The following ATP10B variants were observed in gnomAD, a reference collection of about 807,000 sequenced individuals.
The protein encoded by ATP10B is ATPase phospholipid transporting 10B (putative), also known as phospholipid-transporting ATPase VB.
Under a neutral mutation model 141.2 loss-of-function variants are expected in ATP10B, and 122 were observed. That is an observed-to-expected ratio of 0.86 (90% CI 0.75 to 1.00). The LOEUF is 1.00. ATP10B is among the 50% of genes least tolerant of loss of function. ATP10B has a pLI of 0.00. For missense variants in ATP10B, 1,876 were observed against 1,825.3 expected (o/e 1.03, Z -0.51); for synonymous variants, 685 against 692.0 (o/e 0.99, Z 0.16).
chr5:160,806,434 A>G (rs1243112036), intron 1 of ATP10B, among the ~76,000 whole-genome samples: 3 of 152,244 alleles, frequency 2.0e-5, no homozygotes, highest in Admixed American at 2.0e-4. Context: ...TCTTTCCTTC[A>G]TAAGAAAACA....
intron 7 of ATP10B, among the ~76,000 whole-genome samples, chr5:160,652,895 A>AAT (rs1554100537): frequency 2.9e-5 from 2 of 68,194 alleles, no homozygotes; most frequent in African/African-American, 6.5e-5. Context: ...ATAATTATAT[A>AAT]ATATATTATA....
chr5:160,908,720 A>G, the ATP10B span, among the ~76,000 whole-genome samples: 1 of 152,200 alleles, frequency 6.6e-6, no homozygotes, highest in African/African-American at 2.4e-5. Context: ...AGCTCCCAGC[A>G]TGAGGAGATT....
intron 2 of ATP10B, among the ~76,000 whole-genome samples, chr5:160,762,727 G>A (rs928576519): frequency 6.6e-6 from 1 of 151,912 alleles, no homozygotes; most frequent in African/African-American, 2.4e-5. Context: ...CAATACTAAT[G>A]TTGAATGTAA....
chr5:160,654,796 C>T (rs1475851104), intron 7 of ATP10B, among the ~76,000 whole-genome samples: 2 of 152,174 alleles, frequency 1.3e-5, no homozygotes, highest in East Asian at 3.8e-4. Context: ...TAAGAATCAA[C>T]TAAGTATTTT....
intron 19 of ATP10B, 146 bp downstream of exon 19, chr5:160,606,619 G>A: frequency 2.6e-6 from 2 of 783,000 alleles, no homozygotes; most frequent in Non-Finnish European, 4.0e-6. Context: ...GCTGCATCTT[G>A]ATTGTCATTT....
At chr5:160,588,610 G>T (rs552979930) in intron 24 of ATP10B, among the ~76,000 whole-genome samples, 3 of 152,172 alleles carry the variant, frequency 2.0e-5, no homozygotes, top group Non-Finnish European at 4.4e-5. Flanking sequence ...AAACTGCCAG[G>T]GTTCAAAACT....
At chr5:160,773,956 C>T (rs970265609) in intron 2 of ATP10B, among the ~76,000 whole-genome samples, 1 of 152,124 alleles carries the variant, frequency 6.6e-6, no homozygotes, top group Non-Finnish European at 1.5e-5. Context: ...GGGTCATTTG[C>T]CATTGTAAAG....
chr5:160,801,971 G>T (rs1772398453), intron 1 of ATP10B, among the ~76,000 whole-genome samples: 1 of 152,152 alleles, frequency 6.6e-6, no homozygotes, highest in Non-Finnish European at 1.5e-5. Context: ...TTTATCGGAT[G>T]CAGGCAGCAA....
chr5:160,909,961 A>T, the ATP10B span, among the ~76,000 whole-genome samples: 5 of 152,178 alleles, frequency 3.3e-5, no homozygotes, highest in South Asian at 2.1e-4. Flanking sequence ...TGTTTCCATG[A>T]TCTTGAAGAA....
chr5:160,891,643 G>A, the ATP10B span, among the ~76,000 whole-genome samples: 1 of 152,040 alleles, frequency 6.6e-6, no homozygotes, highest in South Asian at 2.1e-4. Context: ...TCACCATGTT[G>A]GCCAGGCTAA....
chr5:160,625,274 T>C (rs1371090970), intron 13 of ATP10B, among the ~76,000 whole-genome samples: 1 of 152,222 alleles, frequency 6.6e-6, no homozygotes, highest in Non-Finnish European at 1.5e-5. Flanking sequence ...CCTTTGAGAC[T>C]TGCTACCACC....
intron 1 of ATP10B, among the ~76,000 whole-genome samples, chr5:160,841,970 C>T (rs188645299): frequency 3.0e-4 from 45 of 152,242 alleles, no homozygotes; most frequent in African/African-American, 8.7e-4. Context: ...GGTGATCCAC[C>T]CGCCTCGGCC....
intron 1 of ATP10B, among the ~76,000 whole-genome samples, chr5:160,829,295 G>C (rs1171371776): frequency 6.6e-6 from 1 of 151,902 alleles, no homozygotes; most frequent in African/African-American, 2.4e-5. Flanking sequence ...TGGTTTTTCT[G>C]TTCTGTTTGA....
intron 2 of ATP10B, among the ~76,000 whole-genome samples, chr5:160,745,323 A>G (rs1767737393): frequency 6.6e-6 from 1 of 152,238 alleles, no homozygotes; most frequent in African/African-American, 2.4e-5. Context: ...AATATCATTC[A>G]GTATTAAAGC....
chr5:160,634,441 A>G lies in ATP10B; in HGVS notation c.1294T>C (p.Ser432Pro). Reference sequence around the variant, plus strand: ...TCTGTCAGGGTCCCCGTCTTATCGGAGAAGATGTACTGGATCTGGCCCAAG... The same window carrying G: ...TCTGTCAGGGTCCCCGTCTTATCGGGGAAGATGTACTGGATCTGGCCCAAG... Reference protein sequence around the residue: ...EDLGQIQYIFSDKTGTLTENK... With the variant: ...EDLGQIQYIFPDKTGTLTENK... Residue 432 changes from serine to proline, a missense_variant, in exon 12 of 26, where the codon TCC becomes CCC. By Grantham distance (74) the Ser-to-Pro change is moderately conservative. Coordinates refer to ENST00000327245, the MANE Select transcript of ATP10B (RefSeq NM_025153.3). 6.2e-7 allele frequency: 1 copy of G among 1,614,132 alleles called. No individual in the cohort carries two copies. Among genetic ancestry groups the G allele is most frequent in the Non-Finnish European group, 8.5e-7 (1 of 1,180,008 alleles).
At chr5:160,618,708 T>C (rs910612874) in intron 15 of ATP10B, among the ~76,000 whole-genome samples, 4 of 152,230 alleles carry the variant, frequency 2.6e-5, no homozygotes, top group Non-Finnish European at 5.9e-5. Context: ...TTTATCTAAT[T>C]CTATAATAAG....
chr5:160,566,711 T>A (rs891171352), intron 25 of ATP10B, among the ~76,000 whole-genome samples: 1 of 152,204 alleles, frequency 6.6e-6, no homozygotes, highest in South Asian at 2.1e-4. Flanking sequence ...AATATAACTA[T>A]GCGGTGTATG....
At chr5:160,812,557 A>G (rs558862061) in intron 1 of ATP10B, among the ~76,000 whole-genome samples, 1 of 152,318 alleles carries the variant, frequency 6.6e-6, no homozygotes, top group East Asian at 1.9e-4. Context: ...AGAGTTTGAA[A>G]TAATTAAAAG....
intron 1 of ATP10B, among the ~76,000 whole-genome samples, chr5:160,839,030 C>A (rs886360069): frequency 1.3e-5 from 2 of 152,168 alleles, no homozygotes; most frequent in Non-Finnish European, 2.9e-5. Context: ...TAACTGTAAG[C>A]TTCCTAAGGC....
Sources: allele counts gnomAD v4.1 joint callset (sites outside exome capture counted in the v4.1 genomes callset), GRCh38; gene constraint gnomAD v4.1.1; transcripts MANE v1.5; gene names NCBI Gene and HGNC (gene_info 2026-07-23, HGNC 2026-07-21).